Variants in PARP6 observed in about 807,000 individuals in gnomAD.
PARP6 encodes the protein poly(ADP-ribose) polymerase family member 6.
In PARP6, 27 loss-of-function variants were observed where a neutral mutation model predicts 92.0. The observed-to-expected ratio is 0.29, with a 90% CI of 0.22 to 0.40. The LOEUF (loss-of-function observed/expected upper bound fraction) is 0.40. Among genes scored for constraint, PARP6 ranks in the 10% least tolerant of loss-of-function variants. The probability of loss-of-function intolerance (pLI) is 1.00; values close to 1 mark genes in which losing one functional copy is unlikely to be tolerated. For synonymous variants in PARP6, 272 were observed against 281.2 expected, an observed-to-expected ratio of 0.97 and a Z score of 0.33; for missense variants, 501 against 784.5, an observed-to-expected ratio of 0.64 and a Z score of 4.32.
At position 72,249,327 on chromosome 15, in the gene PARP6, C is replaced by T; in HGVS notation, c.1492-13G>A. On this transcript the variant is annotated splice_polypyrimidine_tract_variant and intron_variant, in intron 19 of 23. Transcript: ENST00000569795. ...CTGCTCCATGCAGCTTGCAGGGAAA[C>T]ACCAGGATGAGTAATATGAGCCTGG... is the stretch of plus-strand genomic sequence containing the variant. The T allele has an allele frequency of 1.3e-6, 2 of 1,548,814 alleles. No homozygotes were observed. Among genetic ancestry groups the T allele is most frequent in the Non-Finnish European group, 8.9e-7 (1 of 1,126,642 alleles).
At chr15:72,269,560 T>C (rs1002185602) in intron 2 of PARP6, among the ~76,000 whole-genome samples, 6 of 152,102 alleles carry the variant, frequency 3.9e-5, no homozygotes, top group Non-Finnish European at 7.4e-5. Context: ...AGGAACTTGT[T>C]AGAAATGCAA....
At chr15:72,268,301 C>CAAGATGCTTATGTTTACTCTGTT (rs2086878346) in intron 2 of PARP6, among the ~76,000 whole-genome samples, 1 of 152,088 alleles carries the variant, frequency 6.6e-6, no homozygotes, top group Non-Finnish European at 1.5e-5. Context: ...TTTACTCTGT[C>CAAGATGCTTATGTTTACTCTGTT]AGTTAATTCT....
chr15:72,251,048 C>G (rs1367203776), intron 17 of PARP6, 94 bp from the exon 18 acceptor site: 3 of 1,027,052 alleles, frequency 2.9e-6, no homozygotes, highest in Non-Finnish European at 4.5e-6. Context: ...ATCAGGCTTG[C>G]ATTAACCCCA....
Position 72,265,416 on chromosome 15 carries a change from G to A in PARP6, c.234C>T (p.Leu78=), listed in dbSNP as rs780810726. ...DIDLHINISF[L]DEEVSTAWKV... ...GGCAGGTACTAGCCCCACTTACATCGAGGAAGCTGATGTTGATGTGGAGGT... is the reference window on the plus strand; with the variant it reads ...GGCAGGTACTAGCCCCACTTACATCAAGGAAGCTGATGTTGATGTGGAGGT... The change falls in exon 6 of 24, where the codon CTC becomes CTT. Residue 78 remains leucine (L), a synonymous_variant. Coordinates refer to ENST00000569795, the MANE Select transcript of PARP6 (RefSeq NM_001323532.2). The A allele has an allele frequency of 7.3e-5, 117 of 1,612,284 alleles. No individual in the cohort carries two copies. Among genetic ancestry groups the A allele is most frequent in the Middle Eastern group, 1.6e-4 (1 of 6,082 alleles).
In PARP6 at chr15:72,242,743, GA is replaced by G; in HGVS notation, c.1562-45del. ...CCCACTTCATTTATCAAAAATTTAC[GA>G]AAGTGCCTACTATGTCCCAGCACTG... On this transcript the variant is annotated intron_variant, in intron 20 of 23. Coordinates refer to ENST00000569795, the MANE Select transcript of PARP6 (RefSeq NM_001323532.2). This position sits in a 1 kb window ranked among gnomAD's most constrained non-coding sequence, Gnocchi z 4.3. 7.8e-7 allele frequency: 1 copy of G among 1,279,160 alleles called. No homozygotes were observed. Among genetic ancestry groups the G allele is most frequent in the South Asian group, 1.3e-5 (1 of 77,268 alleles). The allele number at this position is 1,279,160 out of a possible 1,614,324, so 79.2% of individuals were successfully genotyped here.
intron 13 of PARP6, 111 bp downstream of exon 13, chr15:72,257,237 G>A: frequency 1.3e-6 from 1 of 771,612 alleles, no homozygotes; most frequent in South Asian, 1.5e-5. Flanking sequence ...TACTACAGTG[G>A]TTATCTTATA....
intron 4 of PARP6, 110 bp downstream of exon 4, chr15:72,266,635 T>C (rs1270731278): frequency 1.2e-5 from 10 of 806,896 alleles, no homozygotes; most frequent in Non-Finnish European, 1.9e-5. Flanking sequence ...ACATCAACAT[T>C]ATAACCTCAT....
chr15:72,244,551 G>A (rs772342663), intron 20 of PARP6: 1 of 152,164 alleles, frequency 6.6e-6, no homozygotes, highest in Non-Finnish European at 1.5e-5. Flanking sequence ...ATATATGAAC[G>A]CTATTTACAC....
chr15:72,271,235 G>A lies in PARP6; in HGVS notation c.-407C>T, dbSNP rs1036886146. The A allele has an allele frequency of 1.3e-5, 2 of 152,206 alleles. No individual in the cohort carries two copies. Among genetic ancestry groups the A allele is most frequent in the African/African-American group, 2.4e-5 (1 of 41,452 alleles). 9.4% of individuals were successfully genotyped at this position (152,206 alleles called of 1,614,324 possible). On this transcript the variant is annotated 5_prime_UTR_variant, in exon 2 of 24. Transcript: ENST00000569795. ...TTTCACGGTCTTTGTTGCTGCAGAA[G>A]TCAAGAAAAATTTAGCCTCTTTCCA...
intron 8 of PARP6, among the ~76,000 whole-genome samples, chr15:72,262,002 T>C (rs926627623): frequency 1.3e-5 from 2 of 152,210 alleles, no homozygotes; most frequent in African/African-American, 4.8e-5. Flanking sequence ...CTTTGAAATC[T>C]ATTGCCAAGA....
chr15:72,266,769 T>G lies in PARP6; in HGVS notation c.57A>C (p.Ser19=). 6.2e-7 allele frequency: 1 copy of G among 1,614,000 alleles called. No homozygotes were observed. Reference sequence around the variant, plus strand: ...CCTGAACGCCATAGAGAAATTCCTCTGATTCATTATCTCCCTCCGAGTCGT... The same window carrying G: ...CCTGAACGCCATAGAGAAATTCCTCGGATTCATTATCTCCCTCCGAGTCGT... The part of the protein sequence containing the change: ...NDDDSEGDNE[S]EEFLYGVQGS... Residue 19 remains serine, a synonymous_variant, in exon 4 of 24, where the codon TCA becomes TCC. Coordinates refer to ENST00000569795, the MANE Select transcript of PARP6 (RefSeq NM_001323532.2).
chr15:72,271,942 C>G (rs1187375535), intron 1 of PARP6, among the ~76,000 whole-genome samples: 1 of 152,198 alleles, frequency 6.6e-6, no homozygotes, highest in Non-Finnish European at 1.5e-5. Context: ...GGTGTGACAA[C>G]TTCACGTCTA....
chr15:72,252,238 G>A lies in PARP6; in HGVS notation c.1260-983C>T, dbSNP rs149945052. On this transcript the variant is annotated intron_variant, in intron 16 of 23. Coordinates refer to ENST00000569795, the MANE Select transcript of PARP6 (RefSeq NM_001323532.2). ...AAGGGGATAGCAGGAGGAGACAGAC[G>A]TCTCTGGATGCAAAGAAAACTTAGT... 8.9e-3 allele frequency among the ~76,000 whole-genome samples: 1,355 copies of A among 152,256 alleles called. 15 individuals carry two copies. The highest frequency in any genetic ancestry group is 0.013 in the Non-Finnish European group (874 of 68,024).
intron 20 of PARP6, chr15:72,245,489 C>G (rs1441284894): frequency 6.6e-6 from 1 of 152,216 alleles, no homozygotes; most frequent in African/African-American, 2.4e-5. Context: ...CACAGCCAAA[C>G]CGTATCATAT....
intron 3 of PARP6, chr15:72,267,127 A>C: frequency 1.9e-6 from 1 of 515,302 alleles, no homozygotes; most frequent in Non-Finnish European, 3.5e-6. Context: ...AATGCAAATG[A>C]CTTCAATGTC....
intron 8 of PARP6, among the ~76,000 whole-genome samples, chr15:72,263,221 A>C (rs2086127484): frequency 6.6e-6 from 1 of 152,078 alleles, no homozygotes; most frequent in South Asian, 2.1e-4. Flanking sequence ...ATTTTCCACT[A>C]CTCTTTGGCC....
At chr15:72,261,867 T>C (rs1238396436) in intron 8 of PARP6, among the ~76,000 whole-genome samples, 160 bp from the exon 9 acceptor site, 2 of 151,886 alleles carry the variant, frequency 1.3e-5, no homozygotes, top group Non-Finnish European at 2.9e-5. Flanking sequence ...CCTTAGTAAA[T>C]AAAAAAATCA....
rs773396811 is a variant in PARP6, at chr15:72,242,593, C to T, written c.1641+27G>A. 1.9e-4 allele frequency: 283 copies of T among 1,475,524 alleles called. No individual in the cohort carries two copies. Among genetic ancestry groups the T allele is most frequent in the Non-Finnish European group, 2.6e-4 (276 of 1,053,606 alleles). The allele number at this position is 1,475,524 out of a possible 1,614,324, so 91.4% of individuals were successfully genotyped here. On this transcript the variant is annotated intron_variant, in intron 21 of 23. Coordinates refer to ENST00000569795, the MANE Select transcript of PARP6 (RefSeq NM_001323532.2). This position sits in a 1 kb window ranked among gnomAD's most constrained non-coding sequence, Gnocchi z 4.3. ...GCCTAAATTAGCCCCAGGGAAAGGT[C>T]CTGCCTCATTAGAATAGTTCCAATA...
Position 72,254,537 on chromosome 15 carries a change from G to A in PARP6, c.1126-17C>T, listed in dbSNP as rs749124717. 1 of 1,598,048 alleles carries A rather than the reference G, an allele frequency of 6.3e-7. No homozygotes were observed. The highest frequency in any genetic ancestry group is 8.6e-7 in the Non-Finnish European group (1 of 1,165,720). On this transcript the variant is annotated splice_polypyrimidine_tract_variant and intron_variant, in intron 14 of 23. Coordinates refer to ENST00000569795, the MANE Select transcript of PARP6 (RefSeq NM_001323532.2). ...ATTCTTCTTCTGTGGAGAATCAATG[G>A]GAAGAGAAGAACCAAATAAAGAAAA...
Sources: gnomAD v4.1 joint callset for allele counts (sites outside exome capture counted in the v4.1 genomes callset) on GRCh38, gnomAD v4.1.1 for gene constraint, Gnocchi (gnomAD v3.1) non-coding constraint, MANE v1.5 for transcripts, NCBI Gene and HGNC (gene_info 2026-07-23, HGNC 2026-07-21) for gene names.